Variants in BMPR1A observed in about 807,000 individuals in gnomAD.
BMPR1A encodes bone morphogenetic protein receptor type 1A.
BMPR1A carries 7 observed loss-of-function variants against 66.0 expected under a neutral mutation model. The ratio of observed to expected loss-of-function variants is 0.11; its 90% CI spans 0.06 to 0.20. The LOEUF (loss-of-function observed/expected upper bound fraction) is 0.20. Among genes scored for constraint, BMPR1A ranks in the 10% least tolerant of loss-of-function variants. The pLI, the probability that BMPR1A is intolerant of heterozygous loss-of-function variation, is 1.00. For synonymous variants in BMPR1A, 200 were observed against 229.7 expected (o/e 0.87, Z 1.17); for missense variants, 408 against 669.1 (o/e 0.61, Z 4.31).
intron 2 of BMPR1A, among the ~76,000 whole-genome samples, chr10:86,857,704 G>C (rs376816131): frequency 6.8e-6 from 1 of 148,126 alleles, no homozygotes; most frequent in Non-Finnish European, 1.5e-5. Flanking sequence ...CCATAGGCTC[G>C]AGTATCCTCA....
intron 2 of BMPR1A, among the ~76,000 whole-genome samples, chr10:86,873,124 C>T (rs574411683): frequency 6.0e-4 from 92 of 152,090 alleles, no homozygotes; most frequent in Non-Finnish European, 1.2e-3. Flanking sequence ...TCTAATGAGA[C>T]AAGGCCACAT....
chr10:86,772,724 C>T (rs1329629531), intron 1 of BMPR1A, among the ~76,000 whole-genome samples: 1 of 152,054 alleles, frequency 6.6e-6, no homozygotes, highest in Admixed American at 6.6e-5. Flanking sequence ...GTTCTCTTAA[C>T]AGTCATTTAA....
intron 1 of BMPR1A, among the ~76,000 whole-genome samples, chr10:86,820,551 C>T (rs1842108118): frequency 6.6e-6 from 1 of 152,164 alleles, no homozygotes; most frequent in Admixed American, 6.5e-5. Flanking sequence ...CTCTCATTAT[C>T]CATCTCTCCA....
In BMPR1A at chr10:86,921,685, T is replaced by C; in HGVS notation, c.1332T>C (p.Cys444=). ...TCATTTGGGAGATGGCTCGTCGTTG[T>C]ATCACAGGAGGTGGGAGTTTGAGTA... The part of the protein sequence containing the change: ...GLIIWEMARR[C]ITGGIVEEYQ... Residue 444 remains cysteine, a synonymous_variant, in exon 11 of 13, where the codon TGT becomes TGC. Coordinates refer to ENST00000372037, the MANE Select transcript of BMPR1A (RefSeq NM_004329.3). The C allele has an allele frequency of 6.2e-7, 1 of 1,614,266 alleles. No homozygotes were observed. Among genetic ancestry groups the C allele is most frequent in the East Asian group, 2.2e-5 (1 of 44,890 alleles).
intron 1 of BMPR1A, among the ~76,000 whole-genome samples, chr10:86,813,042 A>G (rs920833828): frequency 6.6e-6 from 1 of 152,138 alleles, no homozygotes; most frequent in Admixed American, 6.5e-5. Context: ...CAGAAATGTC[A>G]TATAGTTGGA....
chr10:86,908,733 C>A (rs181228008), intron 7 of BMPR1A, among the ~76,000 whole-genome samples: 2 of 152,126 alleles, frequency 1.3e-5, no homozygotes, highest in Non-Finnish European at 2.9e-5. Flanking sequence ...GTGAGGGGGG[C>A]GTGCCTGTTG....
At chr10:86,843,578 A>C (rs1323083026) in intron 2 of BMPR1A, 6 of 152,236 alleles carry the variant, frequency 3.9e-5, no homozygotes, top group Non-Finnish European at 7.3e-5. Flanking sequence ...ATGCCACAGG[A>C]GTAAATTGTT....
intron 2 of BMPR1A, among the ~76,000 whole-genome samples, chr10:86,858,542 C>T (rs1185312206): frequency 6.6e-6 from 1 of 152,028 alleles, no homozygotes; most frequent in African/African-American, 2.4e-5. Context: ...ATGTGGAAAA[C>T]CCTAAAAACT....
chr10:86,826,441 C>CACACACA (rs1564696505), intron 1 of BMPR1A, among the ~76,000 whole-genome samples: 4 of 151,330 alleles, frequency 2.6e-5, no homozygotes, highest in South Asian at 2.1e-4. Flanking sequence ...CACACACACA[C>CACACACA]CCGCTTTTGG....
intron 11 of BMPR1A, 144 bp downstream of exon 11, chr10:86,921,839 A>G: frequency 9.9e-7 from 1 of 1,010,320 alleles, no homozygotes; most frequent in Non-Finnish European, 1.5e-6. Flanking sequence ...ATTTTGATAC[A>G]GGCATGCCAT....
chr10:86,826,473 C>G (rs1842197691), intron 1 of BMPR1A, among the ~76,000 whole-genome samples: 1 of 150,870 alleles, frequency 6.6e-6, no homozygotes, highest in African/African-American at 2.4e-5. Flanking sequence ...CTTTAGTTTC[C>G]TTTACTTTAG....
chr10:86,908,446 C>T (rs1010381586), intron 7 of BMPR1A, among the ~76,000 whole-genome samples: 5 of 152,088 alleles, frequency 3.3e-5, no homozygotes, highest in Admixed American at 2.0e-4. Context: ...CAGTCTAGTA[C>T]GAGTCGATTT....
intron 1 of BMPR1A, among the ~76,000 whole-genome samples, chr10:86,796,100 C>T (rs114429472): frequency 0.02 from 3,063 of 152,148 alleles, 95 homozygotes; most frequent in African/African-American, 0.067. Flanking sequence ...CACATAAAAA[C>T]GTCATAAAAT....
chr10:86,797,663 G>T (rs148535922), intron 1 of BMPR1A, among the ~76,000 whole-genome samples: 22 of 152,236 alleles, frequency 1.4e-4, no homozygotes, highest in African/African-American at 4.6e-4. Context: ...CACCGTGCCC[G>T]GCCAGAATTT....
chr10:86,858,158 G>A (rs1319695505), intron 2 of BMPR1A, among the ~76,000 whole-genome samples: 1 of 152,086 alleles, frequency 6.6e-6, no homozygotes, highest in African/African-American at 2.4e-5. Flanking sequence ...AAAACTCTGT[G>A]CTCATATCAC....
chr10:86,861,815 C>A (rs1225740251), intron 2 of BMPR1A, among the ~76,000 whole-genome samples: 1 of 152,174 alleles, frequency 6.6e-6, no homozygotes, highest in Non-Finnish European at 1.5e-5. Flanking sequence ...TGACACAAGT[C>A]AGGGATGGAA....
chr10:86,906,760 A>AAAAAAAAAAAAAAAAAAAC (rs1182274874), intron 7 of BMPR1A, among the ~76,000 whole-genome samples: 1 of 143,858 alleles, frequency 7.0e-6, no homozygotes, highest in Non-Finnish European at 1.5e-5. Flanking sequence ...AAAAAAAAAA[A>AAAAAAAAAAAAAAAAAAAC]AACACTTTGT....
intron 2 of BMPR1A, chr10:86,855,907 G>T (rs988313902): frequency 4.8e-5 from 32 of 667,206 alleles, no homozygotes; most frequent in Non-Finnish European, 7.9e-5. Context: ...TTTCAAACTG[G>T]CTAGGATTGT....
In BMPR1A at chr10:86,805,371, T is replaced by C. The variant is rs1372875829; in HGVS notation, c.-267-33494T>C. Reference sequence around the variant, plus strand: ...TTCTCTGTTTCTGTCTCTTCACTCCTACCTGTACACACACACACACACACA... The same window carrying C: ...TTCTCTGTTTCTGTCTCTTCACTCCCACCTGTACACACACACACACACACA... On this transcript the variant is annotated intron_variant, in intron 1 of 12. Coordinates refer to ENST00000372037, the MANE Select transcript of BMPR1A (RefSeq NM_004329.3). Among the ~76,000 whole-genome samples, 4 of 97,116 alleles carry C rather than the reference T, an allele frequency of 4.1e-5. No homozygotes were observed. The East Asian group carries it at 2.1e-3, about 51-fold the overall frequency. The allele number at this position is 97,116 out of a possible 152,430, so 63.7% of individuals were successfully genotyped here.
Sources: allele counts gnomAD v4.1 joint callset (sites outside exome capture counted in the v4.1 genomes callset), GRCh38; gene constraint gnomAD v4.1.1; transcripts MANE v1.5; gene names NCBI Gene and HGNC (gene_info 2026-07-23, HGNC 2026-07-21).